CDC42EP5: variants seen among roughly 807,000 people sequenced by gnomAD.
CDC42EP5 encodes the protein CDC42 effector protein 5.
For synonymous variants in CDC42EP5, 118 were observed against 123.3 expected, an observed-to-expected ratio of 0.96 and a Z score of 0.28; for missense variants, 269 against 238.0, an observed-to-expected ratio of 1.13 and a Z score of -0.86.
At chr19:54,470,327 G>A (rs751399344) in intron 2 of CDC42EP5, among the ~76,000 whole-genome samples, 24 of 151,608 alleles carry the variant, frequency 1.6e-4, no homozygotes, top group Non-Finnish European at 3.2e-4. Flanking sequence ...AGGTATGATC[G>A]TCCCACCGCA....
Position 54,465,256 on chromosome 19 carries a change from A to G in CDC42EP5, c.292T>C (p.Ser98Pro). ...ACGCCCAGCACCGCGTCCAGCATGG[A>G]GGGCCCCAGATCCAGGTGGAAGGAC... ...LLSFHLDLGP[S>P]MLDAVLGVMD... The change falls in exon 3 of 3, where the codon TCC becomes CCC. Residue 98 changes from serine to proline, a missense_variant. Transcript: ENST00000301200. The G allele has an allele frequency of 3.5e-6, 5 of 1,409,308 alleles. No homozygotes were observed. The highest frequency in any genetic ancestry group is 4.6e-6 in the Non-Finnish European group (5 of 1,082,516). 87.3% of individuals were successfully genotyped at this position (1,409,308 alleles called of 1,614,324 possible).
At chr19:54,465,593 G>A (rs1302661477) in intron 2 of CDC42EP5, 46 bp from the exon 3 acceptor site, 3 of 1,403,342 alleles carry the variant, frequency 2.1e-6, no homozygotes, top group Non-Finnish European at 2.8e-6. Flanking sequence ...CCCGGGGCTC[G>A]CAGCCACGCG....
chr19:54,468,948 C>T (rs2084797896), intron 2 of CDC42EP5, among the ~76,000 whole-genome samples: 1 of 64,686 alleles, frequency 1.5e-5, no homozygotes, highest in Non-Finnish European at 3.4e-5. Flanking sequence ...TCCCTCCCTC[C>T]CTCCTTCCTT....
rs768806333 is a variant in CDC42EP5 at position 54,465,450 on chromosome 19, G to A, written c.98C>T (p.Thr33Met). ...GTCGCCGCCGCGCCCCACGTGCAGC[G>A]TGTGCCGGAAGTCGCCGAGCGGCGC... Reference protein sequence around the residue: ...ISAPLGDFRHTLHVGRGGDAF... With the variant: ...ISAPLGDFRHMLHVGRGGDAF... Residue 33 changes from threonine to methionine, a missense_variant, in exon 3 of 3, where the codon ACG (threonine) becomes ATG (methionine). Transcript: ENST00000301200. The A allele has an allele frequency of 4.6e-6, 7 of 1,514,600 alleles. No individual in the cohort carries two copies. The highest frequency in any genetic ancestry group is 6.1e-6 in the Non-Finnish European group (7 of 1,142,858). 93.8% of individuals were successfully genotyped at this position (1,514,600 alleles called of 1,614,324 possible). A position where few individuals can be genotyped will look rare whatever the true frequency, so the allele number is the denominator to read the frequency against.
chr19:54,472,765 A>G (rs989610131), intron 1 of CDC42EP5, among the ~76,000 whole-genome samples: 4 of 43,642 alleles, frequency 9.2e-5, no homozygotes, highest in South Asian at 1.4e-3. Context: ...AGGAGTCCAG[A>G]CCCCCAGCCC....
intron 2 of CDC42EP5, among the ~76,000 whole-genome samples, chr19:54,466,755 T>C (rs767140850): frequency 2.6e-5 from 4 of 152,208 alleles, no homozygotes; most frequent in African/African-American, 4.8e-5. Flanking sequence ...AGCATTTACA[T>C]TGTATTATGC....
At position 54,465,628 on chromosome 19, in the gene CDC42EP5, G is replaced by C; in HGVS notation, c.1-81C>G. The C allele has an allele frequency of 2.3e-6, 3 of 1,319,896 alleles. 1 individual carries two copies. The South Asian group carries it at 5.3e-5, about 23-fold the overall frequency. The allele number at this position is 1,319,896 out of a possible 1,614,324, so 81.8% of individuals were successfully genotyped here. A position where few individuals can be genotyped will look rare whatever the true frequency, so the allele number is the denominator to read the frequency against. On this transcript the variant is annotated intron_variant, in intron 2 of 2. Transcript: ENST00000301200. ...GACTGCTCAAAGGACGATGGGGGAC[G>C]GTTCCCGTTTTTTGTTTTTTGATTT...
chr19:54,465,408 G>C lies in CDC42EP5; in HGVS notation c.140C>G (p.Ser47Trp), dbSNP rs773647408. Residue 47 changes from serine to tryptophan, a missense_variant, in exon 3 of 3, where the codon TCG (serine) becomes TGG (tryptophan). Transcript: ENST00000301200. ...GRGGDAFGDTSFLSRHGGGPP... is the reference protein window; with the variant it reads ...GRGGDAFGDTWFLSRHGGGPP... The stretch of plus-strand genomic sequence containing the variant: ...CCCGCCGCCGTGGCGGCTCAGGAAC[G>C]AGGTGTCCCCGAAGGCGTCGCCGCC... 4 of 1,387,502 alleles carry C rather than the reference G, an allele frequency of 2.9e-6. No homozygotes were observed. Among genetic ancestry groups the C allele is most frequent in the African/African-American group, 3.0e-5 (2 of 66,528 alleles). The allele number at this position is 1,387,502 out of a possible 1,614,324, so 85.9% of individuals were successfully genotyped here. A position where few individuals can be genotyped will look rare whatever the true frequency, so the allele number is the denominator to read the frequency against.
chr19:54,471,120 C>G (rs1191047484), intron 2 of CDC42EP5, among the ~76,000 whole-genome samples: 3 of 152,184 alleles, frequency 2.0e-5, no homozygotes, highest in Non-Finnish European at 4.4e-5. Context: ...TGCCAGGGCT[C>G]GGGACAGAGG....
At chr19:54,466,918 G>A (rs1312902161) in intron 2 of CDC42EP5, among the ~76,000 whole-genome samples, 3 of 146,568 alleles carry the variant, frequency 2.0e-5, no homozygotes, top group African/African-American at 7.4e-5. Context: ...CTACCAAGGG[G>A]CAACTGTACC....
At chr19:54,468,149 G>A (rs557758151) in intron 2 of CDC42EP5, among the ~76,000 whole-genome samples, 18 of 152,264 alleles carry the variant, frequency 1.2e-4, no homozygotes, top group Admixed American at 2.6e-4. Flanking sequence ...TAATGCTAGC[G>A]TTGGGGGGAA....
At chr19:54,468,663 ACTCCT>A (rs2084787023) in intron 2 of CDC42EP5, among the ~76,000 whole-genome samples, 2 of 146,572 alleles carry the variant, frequency 1.4e-5, no homozygotes, top group Non-Finnish European at 3.0e-5. Context: ...CCCACCTCAG[ACTCCT>A]GAGTAGCTGG....
At chr19:54,466,514 C>A (rs2084757833) in intron 2 of CDC42EP5, among the ~76,000 whole-genome samples, 1 of 152,186 alleles carries the variant, frequency 6.6e-6, no homozygotes, top group Admixed American at 6.5e-5. Context: ...GAAGACAGGG[C>A]TGACTCTGTC....
Position 54,465,173 on chromosome 19 carries a change from G to A in CDC42EP5, c.375C>T (p.Pro125=). ...AGCGGGCCTGGGGGGGCTGCGTCCC[G>A]GGGCGGGGTTCCGCGTCGGGCTTGG... is the stretch of plus-strand genomic sequence containing the variant. The part of the protein sequence containing the change: ...AAAKPDAEPR[P]GTQPPQARCR... The change falls in exon 3 of 3, where the codon CCC becomes CCT. Residue 125 remains proline, a synonymous_variant. Coordinates refer to ENST00000301200, the MANE Select transcript of CDC42EP5 (RefSeq NM_145057.4). The A allele has an allele frequency of 7.1e-7, 1 of 1,417,194 alleles. No homozygotes were observed. The highest frequency in any genetic ancestry group is 1.5e-5 in the South Asian group (1 of 66,582). The allele number at this position is 1,417,194 out of a possible 1,614,324, so 87.8% of individuals were successfully genotyped here. A position where few individuals can be genotyped will look rare whatever the true frequency, so the allele number is the denominator to read the frequency against.
chr19:54,465,670 G>A (rs1569322448), intron 2 of CDC42EP5, 123 bp from the exon 3 acceptor site: 2 of 1,210,804 alleles, frequency 1.7e-6, no homozygotes, highest in Admixed American at 8.6e-5. Context: ...TTGAGACGGA[G>A]TCTCGCCCAT....
rs2084874475 is a variant in CDC42EP5, at chr19:54,473,266, G to A, written c.-344C>T. On this transcript the variant is annotated 5_prime_UTR_variant, in exon 1 of 3. Transcript: ENST00000301200. ...AAGCTGAGGCCCCTCTGGGCGGAGT[G>A]TGGGGGCGGGAGGAGGCCAGGACTA... is the stretch of plus-strand genomic sequence containing the variant. The A allele has an allele frequency of 1.3e-5, 2 of 154,066 alleles. No individual in the cohort carries two copies. Among genetic ancestry groups the A allele is most frequent in the South Asian group, 4.1e-4 (2 of 4,892 alleles). The allele number at this position is 154,066 out of a possible 1,614,324, so 9.5% of individuals were successfully genotyped here.
chr19:54,467,568 CT>C (rs550861744), intron 2 of CDC42EP5, among the ~76,000 whole-genome samples: 375 of 137,882 alleles, frequency 2.7e-3, no homozygotes, highest in Non-Finnish European at 3.3e-3. Context: ...GCACCAAATT[CT>C]TTTTTTTTTT....
intron 1 of CDC42EP5, among the ~76,000 whole-genome samples, chr19:54,472,594 C>T (rs1189429915): frequency 3.6e-5 from 1 of 27,456 alleles, no homozygotes; most frequent in Non-Finnish European, 7.1e-5. Context: ...CCCAGCCCCT[C>T]CTCCCTCAGA....
In CDC42EP5 at chr19:54,465,361, G is replaced by C. The variant is rs1600047198; in HGVS notation, c.187C>G (p.Pro63Ala). Residue 63 changes from proline to alanine, a missense_variant, in exon 3 of 3, where the codon CCC becomes GCC. By Grantham distance (27) the Pro-to-Ala change is conservative. Transcript: ENST00000301200. The part of the protein sequence containing the change: ...GGGPPPEPRA[P>A]PAGAPRSPPP... The stretch of plus-strand genomic sequence containing the variant: ...GGGGAGCGCGGGGCCCCCGCGGGGG[G>C]CGCCCGGGGCTCGGGGGGCGGCCCG... 8.6e-7 allele frequency: 1 copy of C among 1,156,542 alleles called. No individual in the cohort carries two copies. Among genetic ancestry groups the C allele is most frequent in the Non-Finnish European group, 1.1e-6 (1 of 939,578 alleles). 71.6% of individuals were successfully genotyped at this position (1,156,542 alleles called of 1,614,324 possible).
Sources: allele counts gnomAD v4.1 joint callset (sites outside exome capture counted in the v4.1 genomes callset), GRCh38; gene constraint gnomAD v4.1.1; transcripts MANE v1.5; gene names NCBI Gene and HGNC (gene_info 2026-07-23, HGNC 2026-07-21).